GREB1L: variants seen among roughly 807,000 people sequenced by gnomAD.
GREB1L encodes the protein GREB1-like protein.
GREB1L carries 17 observed loss-of-function variants against 200.8 expected under a neutral mutation model. The ratio of observed to expected loss-of-function variants is 0.08; its 90% CI spans 0.06 to 0.13. GREB1L has a LOEUF of 0.13. GREB1L is among the 10% of genes least tolerant of loss of function. The pLI, the probability that GREB1L is intolerant of heterozygous loss-of-function variation, is 1.00. For synonymous variants in GREB1L, 789 were observed against 893.0 expected, an observed-to-expected ratio of 0.88 and a Z score of 2.08; for missense variants, 1,657 against 2,367.7, an observed-to-expected ratio of 0.70 and a Z score of 6.23.
At chr18:21,340,566 G>A (rs1456660636) in intron 1 of GREB1L, among the ~76,000 whole-genome samples, 3 of 149,990 alleles carry the variant, frequency 2.0e-5, no homozygotes, top group Non-Finnish European at 3.0e-5. Flanking sequence ...TTTTTGAGAC[G>A]GAGTCTTGCT....
chr18:21,255,505 G>C (rs2037787512), intron 1 of GREB1L, among the ~76,000 whole-genome samples: 2 of 152,104 alleles, frequency 1.3e-5, no homozygotes, highest in Admixed American at 1.3e-4. Flanking sequence ...TCAAACTATG[G>C]ACCACCTAGA....
In GREB1L at chr18:21,415,951, G is replaced by A. The variant is rs550789274; in HGVS notation, c.832+11957G>A. 1.2e-3 allele frequency among the ~76,000 whole-genome samples: 183 copies of A among 152,266 alleles called. 1 individual carries two copies. In the South Asian group the frequency reaches 0.036, roughly 30 times the overall value. On this transcript the variant is annotated intron_variant, in intron 7 of 32. Coordinates refer to ENST00000424526, the MANE Select transcript of GREB1L (RefSeq NM_001142966.3). The stretch of plus-strand genomic sequence containing the variant: ...TAAAATCGACAATGCCTGACATCCA[G>A]TGAAAGATTACCAGGGTGCAAAGAG...
intron 4 of GREB1L, among the ~76,000 whole-genome samples, chr18:21,394,268 C>T (rs1414328035): frequency 6.6e-6 from 1 of 152,220 alleles, no homozygotes; most frequent in African/African-American, 2.4e-5. Flanking sequence ...CCTAGCTCCA[C>T]ATCAATTTGG....
chr18:21,443,873 C>T (rs561852651), intron 10 of GREB1L, among the ~76,000 whole-genome samples: 1 of 152,352 alleles, frequency 6.6e-6, no homozygotes, highest in East Asian at 1.9e-4. Context: ...TCACGTCATT[C>T]ACATGAATTC....
intron 7 of GREB1L, among the ~76,000 whole-genome samples, chr18:21,430,909 A>G (rs1248202593): frequency 6.0e-5 from 9 of 150,378 alleles, no homozygotes; most frequent in Non-Finnish European, 1.0e-4. Flanking sequence ...TTTTTTTAAT[A>G]TAGGCATTTA....
At chr18:21,261,536 T>G (rs1214078371) in intron 1 of GREB1L, among the ~76,000 whole-genome samples, 2 of 152,124 alleles carry the variant, frequency 1.3e-5, no homozygotes, top group African/African-American at 4.8e-5. Flanking sequence ...CATTTTTGTC[T>G]TTAGTCATTT....
intron 1 of GREB1L, chr18:21,363,802 T>G (rs570866398): frequency 1.3e-5 from 2 of 152,324 alleles, no homozygotes; most frequent in East Asian, 3.9e-4. Flanking sequence ...TTTATAAACA[T>G]CTTGGAAATC....
At chr18:21,374,680 T>C (rs2040001534) in intron 2 of GREB1L, among the ~76,000 whole-genome samples, 1 of 152,192 alleles carries the variant, frequency 6.6e-6, no homozygotes, top group African/African-American at 2.4e-5. Context: ...TTTTTAAAAA[T>C]CAGTGTTTTT....
chr18:21,500,459 C>A, intron 22 of GREB1L, 81 bp from the exon 23 acceptor site: 1 of 1,067,302 alleles, frequency 9.4e-7, no homozygotes, highest in Non-Finnish European at 1.4e-6. Flanking sequence ...ACTGCAGAGC[C>A]AAGGTGTGAA....
chr18:21,371,973 A>G (rs1186950182), intron 2 of GREB1L, among the ~76,000 whole-genome samples: 4 of 152,134 alleles, frequency 2.6e-5, no homozygotes, highest in African/African-American at 9.7e-5. Flanking sequence ...ATATCATACT[A>G]GGAGTAGGTG....
In GREB1L at chr18:21,383,648, C is replaced by G. The variant is rs999828957; in HGVS notation, c.130C>G (p.Pro44Ala). Residue 44 changes from proline to alanine, a missense_variant, in exon 3 of 33, where the codon CCT (proline) becomes GCT (alanine). Pro to Ala is a conservative substitution (Grantham distance 27). Coordinates refer to ENST00000424526, the MANE Select transcript of GREB1L (RefSeq NM_001142966.3). The part of the protein sequence containing the change: ...RPIFSQLYLD[P>A]DQHPFSSADV... ...AATTTTTTCCCAGCTATACCTGGACCCTGACCAGCATCCTTTCTCATCTGC... is the reference window on the plus strand; with the variant it reads ...AATTTTTTCCCAGCTATACCTGGACGCTGACCAGCATCCTTTCTCATCTGC... 4.5e-6 allele frequency: 7 copies of G among 1,550,864 alleles called. No individual in the cohort carries two copies. The Admixed American group carries it at 1.2e-4, about 26-fold the overall frequency.
At chr18:21,253,046 G>T (rs533593561) in intron 1 of GREB1L, among the ~76,000 whole-genome samples, 291 of 152,056 alleles carry the variant, frequency 1.9e-3, no homozygotes, top group Middle Eastern at 3.4e-3. Context: ...TATTCAAAAG[G>T]GTTTCCTTCT....
At chr18:21,451,586 C>T (rs2034529172) in intron 13 of GREB1L, among the ~76,000 whole-genome samples, 1 of 146,002 alleles carries the variant, frequency 6.8e-6, no homozygotes, top group African/African-American at 2.5e-5. Flanking sequence ...CCCCTCTTCA[C>T]GGGCTCAAGC....
intron 27 of GREB1L, among the ~76,000 whole-genome samples, chr18:21,509,596 A>G (rs994569561): frequency 6.6e-6 from 1 of 152,208 alleles, no homozygotes; most frequent in Admixed American, 6.5e-5. Flanking sequence ...ATATTTTCAA[A>G]AATGGTTTTG....
chr18:21,379,771 C>A (rs150634315), intron 2 of GREB1L, among the ~76,000 whole-genome samples: 1 of 152,284 alleles, frequency 6.6e-6, no homozygotes, highest in East Asian at 1.9e-4. Flanking sequence ...CTCCTCCAAC[C>A]TTCCCCCTGT....
chr18:21,366,058 T>C lies in GREB1L; in HGVS notation c.-88T>C, dbSNP rs1244632550. The stretch of plus-strand genomic sequence containing the variant: ...AAAAAGCTTTAAACAAGTTAAAATC[T>C]AGGCAACAGACTCCCTGAAGTGTTG... On this transcript the variant is annotated 5_prime_UTR_variant, in exon 2 of 33. Transcript: ENST00000424526. 1 of 152,202 alleles carries C rather than the reference T, an allele frequency of 6.6e-6. No homozygotes were observed. Among genetic ancestry groups the C allele is most frequent in the Non-Finnish European group, 1.5e-5 (1 of 68,016 alleles). The allele number at this position is 152,202 out of a possible 1,614,324, so 9.4% of individuals were successfully genotyped here.
intron 5 of GREB1L, among the ~76,000 whole-genome samples, chr18:21,396,236 G>T (rs2041060454): frequency 6.6e-6 from 1 of 151,718 alleles, no homozygotes; most frequent in African/African-American, 2.4e-5. Flanking sequence ...GTAAAGACAG[G>T]GTTTCACCAT....
chr18:21,475,922 T>G, intron 16 of GREB1L, among the ~76,000 whole-genome samples: 1 of 132,942 alleles, frequency 7.5e-6, no homozygotes, highest in Non-Finnish European at 1.5e-5. Flanking sequence ...TGAGCGGAGA[T>G]TATGCCACTG....
At chr18:21,492,341 G>A (rs544689417) in intron 19 of GREB1L, among the ~76,000 whole-genome samples, 1 of 151,422 alleles carries the variant, frequency 6.6e-6, no homozygotes, top group African/African-American at 2.4e-5. Flanking sequence ...GCAAGACTCT[G>A]TCTCAAAAAA....
Sources: gnomAD v4.1 joint callset for allele counts (sites outside exome capture counted in the v4.1 genomes callset) on GRCh38, gnomAD v4.1.1 for gene constraint, MANE v1.5 for transcripts, NCBI Gene and HGNC (gene_info 2026-07-23, HGNC 2026-07-21) for gene names.